DNAH10: variants seen among roughly 807,000 people sequenced by gnomAD.
The protein encoded by DNAH10 is axonemal beta dynein heavy chain 10.
DNAH10 carries 348 observed loss-of-function variants against 506.6 expected under a neutral mutation model. The observed-to-expected ratio is 0.69, with a 90% CI of 0.63 to 0.75. The LOEUF (loss-of-function observed/expected upper bound fraction) is 0.75. Ranked by LOEUF, DNAH10 falls within the 30% of genes least tolerant of loss-of-function variation. DNAH10 has a pLI of 0.00. For missense variants in DNAH10, 5,179 were observed against 5,787.1 expected (o/e 0.89, Z 3.41); for synonymous variants, 2,059 against 2,198.6 (o/e 0.94, Z 1.78).
In DNAH10 at chr12:123,868,062, G is replaced by A; in HGVS notation, c.7462G>A (p.Ala2488Thr). 6.2e-7 allele frequency: 1 copy of A among 1,613,936 alleles called. No individual in the cohort carries two copies. The highest frequency in any genetic ancestry group is 8.5e-7 in the Non-Finnish European group (1 of 1,179,884). Residue 2488 changes from alanine to threonine, a missense_variant, in exon 43 of 79, where the codon GCT becomes ACT. Around this residue, in one of 3 missense-constraint regions of DNAH10, gnomAD observed 4,844 missense variants for 5,430.5 expected, o/e 0.89. Coordinates refer to ENST00000673944, the MANE Select transcript of DNAH10 (RefSeq NM_001372106.1). ...MKFDEYIKRL[A>T]SLSTVDTEGV... ...ATTTGACGAATATATCAAACGCCTT[G>A]CTTCTTTGTCTACTGTTGACACAGA...
chr12:123,914,407 C>G lies in DNAH10; in HGVS notation c.10431C>G (p.Leu3477=). The G allele has an allele frequency of 1.2e-6, 2 of 1,613,686 alleles. No individual in the cohort carries two copies. Among genetic ancestry groups the G allele is most frequent in the South Asian group, 2.2e-5 (2 of 91,080 alleles). Residue 3477 remains leucine, a synonymous_variant, in exon 61 of 79, where the codon CTC becomes CTG. Coordinates refer to ENST00000673944, the MANE Select transcript of DNAH10 (RefSeq NM_001372106.1). ...LGDCLLCAAF[L]SYEGAFTWEF... ...ACTGCCTGCTCTGCGCGGCTTTCCT[C>G]AGCTACGAGGGAGCCTTCACCTGGG...
Position 123,926,860 on chromosome 12 carries a change from G to C in DNAH10, c.12105+40G>C. The C allele has an allele frequency of 1.2e-6, 2 of 1,605,186 alleles. No individual in the cohort carries two copies. Among genetic ancestry groups the C allele is most frequent in the Non-Finnish European group, 1.7e-6 (2 of 1,177,436 alleles). On this transcript the variant is annotated intron_variant, in intron 69 of 78. Coordinates refer to ENST00000673944, the MANE Select transcript of DNAH10 (RefSeq NM_001372106.1). This position sits in a 1 kb window ranked among gnomAD's most constrained non-coding sequence, Gnocchi z 4.1. ...AAAGGAACAAGCTCTACGTTTAGGGGAGGTCCCTGGTGTCTGCTAAGAAGG... is the reference window on the plus strand; with the variant it reads ...AAAGGAACAAGCTCTACGTTTAGGGCAGGTCCCTGGTGTCTGCTAAGAAGG...
intron 67 of DNAH10, among the ~76,000 whole-genome samples, chr12:123,924,742 C>G (rs1320478157): frequency 6.6e-6 from 1 of 151,890 alleles, no homozygotes; most frequent in Non-Finnish European, 1.5e-5. Flanking sequence ...ATCCATCCAT[C>G]CATCCATCCA....
In DNAH10 at chr12:123,879,778, G is replaced by A. The variant is rs1952421352; in HGVS notation, c.8611G>A (p.Glu2871Lys). The A allele has an allele frequency of 1.9e-6, 3 of 1,614,016 alleles. No individual in the cohort carries two copies. Among genetic ancestry groups the A allele is most frequent in the East Asian group, 2.2e-5 (1 of 44,882 alleles). Residue 2871 changes from glutamate (E) to lysine (K), a missense_variant, in exon 50 of 79, where the codon GAG becomes AAG. Coordinates refer to ENST00000673944, the MANE Select transcript of DNAH10 (RefSeq NM_001372106.1). ...CATTTATGAAGACATCCAGGACTAC[G>A]AGGCGGCCAAGGCTCTGTTCCAGGT... The part of the protein sequence containing the change: ...PRIYEDIQDY[E>K]AAKALFQEIL...
chr12:123,843,087 G>A (rs1467277565), intron 30 of DNAH10, among the ~76,000 whole-genome samples: 1 of 152,240 alleles, frequency 6.6e-6, no homozygotes, highest in Non-Finnish European at 1.5e-5. Context: ...CTTTGCTAGG[G>A]CATTGCTATG....
chr12:123,877,938 C>T (rs1952332789), intron 48 of DNAH10, 30 bp downstream of exon 48: 5 of 1,606,608 alleles, frequency 3.1e-6, no homozygotes, highest in Admixed American at 1.7e-5. Context: ...CTAAAATATG[C>T]CCCACAGGTA....
rs760369028 is a variant in DNAH10 at position 123,778,713 on chromosome 12, A to T, written c.622-2367A>T. ...TCCATCTCAAAAAAAAAAGAAAAAAAATATATATGTTCAAATGCATGAGTT... is the reference window on the plus strand; with the variant it reads ...TCCATCTCAAAAAAAAAAGAAAAAATATATATATGTTCAAATGCATGAGTT... On this transcript the variant is annotated intron_variant, in intron 5 of 78. Transcript: ENST00000673944. Among the ~76,000 whole-genome samples, 31 of 152,180 alleles carry T rather than the reference A, an allele frequency of 2.0e-4. No individual in the cohort carries two copies. In the South Asian group the frequency reaches 3.1e-3, roughly 15 times the overall value.
intron 76 of DNAH10, chr12:123,932,479 C>T (rs1172451575): frequency 1.2e-5 from 2 of 164,606 alleles, no homozygotes; most frequent in Non-Finnish European, 2.3e-5. Context: ...CGGTGGTTAC[C>T]ATTTTTTTTT....
At chr12:123,805,140 T>A in intron 18 of DNAH10, 100 bp downstream of exon 18, 2 of 1,274,974 alleles carry the variant, frequency 1.6e-6, no homozygotes, top group Non-Finnish European at 2.2e-6. Context: ...AGAATGAAAA[T>A]CAGTTGGATG....
Position 123,813,530 on chromosome 12 carries a change from C to T in DNAH10, c.3511C>T (p.His1171Tyr), listed in dbSNP as rs117037408. The T allele has an allele frequency of 0.015, 24,417 of 1,614,192 alleles. 237 individuals are homozygous for T. The highest frequency in any genetic ancestry group is 0.019 in the Non-Finnish European group (21,838 of 1,180,038). ...DEHCIRLQLR[H>Y]LANTVQENAK... is the part of the protein sequence containing the mutation. Reference sequence around the variant, plus strand: ...GCATTGCATCAGACTTCAGCTCAGGCATCTGGCAAACACAGTGCAGGAAAA... The same window carrying T: ...GCATTGCATCAGACTTCAGCTCAGGTATCTGGCAAACACAGTGCAGGAAAA... Residue 1171 changes from histidine to tyrosine, a missense_variant, in exon 20 of 79, where the codon CAT becomes TAT. His to Tyr is a moderately conservative substitution (Grantham distance 83, BLOSUM62 2). This residue lies in a region of DNAH10 where 4,844 missense variants were observed against 5,430.5 expected (regional missense o/e 0.89). Transcript: ENST00000673944.
At chr12:123,789,440 G>A (rs1328778719) in intron 10 of DNAH10, among the ~76,000 whole-genome samples, 1 of 151,986 alleles carries the variant, frequency 6.6e-6, no homozygotes, top group Admixed American at 6.6e-5. Flanking sequence ...CTGGAGTGCA[G>A]TGGTGCGATC....
chr12:123,902,147 G>T lies in DNAH10; in HGVS notation c.9641-792G>T, dbSNP rs1953549865. On this transcript the variant is annotated intron_variant, in intron 56 of 78. Coordinates refer to ENST00000673944, the MANE Select transcript of DNAH10 (RefSeq NM_001372106.1). This position sits in a 1 kb window ranked among gnomAD's most constrained non-coding sequence, Gnocchi z 4.5. The stretch of plus-strand genomic sequence containing the variant: ...CCAGCGTCTGTCTCCATTGCCACAC[G>T]CCCCTCTTCCCTGTGTGTCTGCACA... 6.6e-6 allele frequency among the ~76,000 whole-genome samples: 1 copy of T among 152,106 alleles called. No homozygotes were observed. Among genetic ancestry groups the T allele is most frequent in the African/African-American group, 2.4e-5 (1 of 41,392 alleles).
chr12:123,850,777 C>T lies in DNAH10; in HGVS notation c.6103-111C>T, dbSNP rs1951126115. On this transcript the variant is annotated intron_variant, in intron 34 of 78. Transcript: ENST00000673944. This position sits in a 1 kb window ranked among gnomAD's most constrained non-coding sequence, Gnocchi z 5.5. ...AAAAGAGACAAGTGGTGTTGTCAGC[C>T]TCATACCATGAAAATGAATCGCCAC... 1 of 1,122,934 alleles carries T rather than the reference C, an allele frequency of 8.9e-7. No individual in the cohort carries two copies. The highest frequency in any genetic ancestry group is 1.6e-5 in the African/African-American group (1 of 63,786). 69.6% of individuals were successfully genotyped at this position (1,122,934 alleles called of 1,614,324 possible).
intron 25 of DNAH10, among the ~76,000 whole-genome samples, chr12:123,829,252 T>A (rs1321560472): frequency 6.6e-6 from 1 of 152,124 alleles, no homozygotes; most frequent in Non-Finnish European, 1.5e-5. Flanking sequence ...TAGCTGGGGT[T>A]CACAGCATTT....
intron 27 of DNAH10, 132 bp downstream of exon 27, chr12:123,833,479 C>CT (rs1960795190): frequency 1.4e-6 from 1 of 708,454 alleles, no homozygotes; most frequent in South Asian, 2.0e-5. Context: ...CTCTTTCATA[C>CT]TTTTTTGTCT....
chr12:123,792,783 G>A (rs1036401386), intron 11 of DNAH10, among the ~76,000 whole-genome samples: 1 of 152,086 alleles, frequency 6.6e-6, no homozygotes, highest in African/African-American at 2.4e-5. Flanking sequence ...TTTTGAGCCT[G>A]TTACAAAGCA....
chr12:123,801,556 A>G (rs1958483256), intron 16 of DNAH10, 124 bp downstream of exon 16: 1 of 1,235,342 alleles, frequency 8.1e-7, no homozygotes, highest in East Asian at 2.5e-5. Flanking sequence ...TTGAGGGTTA[A>G]GAAATACAAG....
chr12:123,813,838 A>G lies in DNAH10; in HGVS notation c.3706A>G (p.Lys1236Glu). 6.2e-7 allele frequency: 1 copy of G among 1,613,538 alleles called. No homozygotes were observed. The highest frequency in any genetic ancestry group is 8.5e-7 in the Non-Finnish European group (1 of 1,179,802). Residue 1236 changes from lysine to glutamate, a missense_variant, in exon 21 of 79, where the codon AAA (lysine) becomes GAA (glutamate). Lys to Glu is a moderately conservative substitution (Grantham distance 56, BLOSUM62 1). Transcript: ENST00000673944. ...VLATIAEIRS[K>E]SLVMELRYRD... ...TGCAACAATTGCAGAAATTAGAAGT[A>G]AATCTCTAGTCATGGAACTCAGATA...
chr12:123,871,847 C>T (rs1402984826), intron 45 of DNAH10, among the ~76,000 whole-genome samples: 2 of 152,204 alleles, frequency 1.3e-5, no homozygotes, highest in East Asian at 1.9e-4. Flanking sequence ...TTTCACATGG[C>T]TGGAGGCTGG....
Sources: gnomAD v4.1 joint callset for allele counts (sites outside exome capture counted in the v4.1 genomes callset) on GRCh38, gnomAD v4.1.1 for gene constraint, gnomAD v4.1.1 regional missense constraint, Gnocchi (gnomAD v3.1) non-coding constraint, MANE v1.5 for transcripts, NCBI Gene and HGNC (gene_info 2026-07-23, HGNC 2026-07-21) for gene names.